Variants in BIN3 observed in about 807,000 individuals in gnomAD.
BIN3 encodes the protein bridging integrator 3.
BIN3 carries 41 observed loss-of-function variants against 38.2 expected under a neutral mutation model. That is an observed-to-expected ratio of 1.07 (90% CI 0.84 to 1.39). The LOEUF is 1.39. BIN3 is among the 40% of genes most tolerant of loss of function. BIN3 has a pLI of 0.00. For synonymous variants in BIN3, 145 were observed against 122.6 expected, an observed-to-expected ratio of 1.18 and a Z score of -1.21; for missense variants, 361 against 324.3, an observed-to-expected ratio of 1.11 and a Z score of -0.87.
At chr8:22,630,218 C>T (rs1226706791) in intron 5 of BIN3, among the ~76,000 whole-genome samples, 4 of 152,188 alleles carry the variant, frequency 2.6e-5, no homozygotes, top group African/African-American at 9.7e-5. Context: ...GCAACCCTCA[C>T]AGTAAGTAAC....
intron 6 of BIN3, among the ~76,000 whole-genome samples, chr8:22,628,639 T>G (rs1802081181): frequency 6.6e-6 from 1 of 152,224 alleles, no homozygotes. Context: ...AAGGGCGCCT[T>G]GCTGATACTG....
At chr8:22,644,108 T>G (rs540358104) in intron 2 of BIN3, among the ~76,000 whole-genome samples, 1 of 152,354 alleles carries the variant, frequency 6.6e-6, no homozygotes, top group South Asian at 2.1e-4. Context: ...CTCATTTTCT[T>G]CATCAGGAAA....
intron 4 of BIN3, among the ~76,000 whole-genome samples, chr8:22,632,634 T>C (rs962428136): frequency 6.6e-6 from 1 of 151,824 alleles, no homozygotes. Context: ...TCTTCTGCTA[T>C]TTCTTAAAAA....
chr8:22,664,264 G>C (rs1424351379), intron 1 of BIN3, among the ~76,000 whole-genome samples: 1 of 152,158 alleles, frequency 6.6e-6, no homozygotes, highest in Non-Finnish European at 1.5e-5. Context: ...GACTCTTTCT[G>C]ACTGCTCCAA....
At chr8:22,625,552 A>C in intron 6 of BIN3, 1 of 623,974 alleles carries the variant, frequency 1.6e-6, no homozygotes, top group African/African-American at 1.8e-5. Flanking sequence ...GCTACCACAC[A>C]GAGCAGGACT....
intron 1 of BIN3, among the ~76,000 whole-genome samples, chr8:22,663,033 C>T (rs1480975270): frequency 6.6e-6 from 1 of 152,174 alleles, no homozygotes; most frequent in African/African-American, 2.4e-5. Flanking sequence ...GCACGAGAAT[C>T]GCTTCAACCC....
intron 4 of BIN3, 68 bp downstream of exon 4, chr8:22,636,457 T>G: frequency 6.7e-7 from 1 of 1,491,634 alleles, no homozygotes; most frequent in Non-Finnish European, 9.1e-7. Context: ...CTTGGGGGGC[T>G]GAGAGAGGAG....
chr8:22,667,610 G>T (rs1803463240), intron 1 of BIN3, among the ~76,000 whole-genome samples: 1 of 152,196 alleles, frequency 6.6e-6, no homozygotes, highest in Non-Finnish European at 1.5e-5. Context: ...CTGAAGAATT[G>T]CCGCTTTGCC....
At chr8:22,668,896 A>G (rs1803514997) in intron 1 of BIN3, 148 bp downstream of exon 1, 4 of 973,024 alleles carry the variant, frequency 4.1e-6, no homozygotes, top group Non-Finnish European at 4.5e-6. Flanking sequence ...CACCGAGGGA[A>G]CGACCCTAGG....
chr8:22,627,289 C>T lies in BIN3; in HGVS notation c.338+2675G>A, dbSNP rs142168832. ...TCACATCAGTCAGGGCAGGGCGCAG[C>T]TTGTGCCAAGGTGGCTGAAGAGTAG... On this transcript the variant is annotated intron_variant, in intron 6 of 8. Transcript: ENST00000276416. Among the ~76,000 whole-genome samples the T allele has an allele frequency of 1.2e-3, 190 of 152,330 alleles. 1 individual carries two copies. The highest frequency in any genetic ancestry group is 4.3e-3 in the African/African-American group (178 of 41,576).
chr8:22,648,588 T>A (rs966057021), intron 1 of BIN3, among the ~76,000 whole-genome samples: 1 of 152,176 alleles, frequency 6.6e-6, no homozygotes, highest in Non-Finnish European at 1.5e-5. Flanking sequence ...GGGTCCACGA[T>A]GTCAACATGC....
intron 1 of BIN3, among the ~76,000 whole-genome samples, chr8:22,647,433 T>G (rs1230702824): frequency 6.6e-6 from 1 of 152,232 alleles, no homozygotes; most frequent in African/African-American, 2.4e-5. Context: ...CCAGGGTCAC[T>G]CTGCTGGCTC....
intron 8 of BIN3, among the ~76,000 whole-genome samples, chr8:22,622,110 G>T (rs2117490160): frequency 6.6e-6 from 1 of 152,332 alleles, no homozygotes; most frequent in African/African-American, 2.4e-5. Flanking sequence ...CACTGCCAGG[G>T]TCCCTCTAGG....
chr8:22,649,562 A>G (rs971884848), intron 1 of BIN3, among the ~76,000 whole-genome samples: 1 of 152,126 alleles, frequency 6.6e-6, no homozygotes, highest in African/African-American at 2.4e-5. Context: ...CAGTGTTGCT[A>G]TTTATATTTT....
At chr8:22,632,333 C>T (rs1365241533) in intron 4 of BIN3, among the ~76,000 whole-genome samples, 5 of 152,200 alleles carry the variant, frequency 3.3e-5, no homozygotes, top group Non-Finnish European at 5.9e-5. Context: ...AGCAAAGCAG[C>T]GCTGAGCGGA....
intron 1 of BIN3, among the ~76,000 whole-genome samples, chr8:22,661,153 G>GGGATTA (rs1803223333): frequency 6.6e-6 from 1 of 152,082 alleles, no homozygotes; most frequent in Non-Finnish European, 1.5e-5. Context: ...CCAAAGTGCT[G>GGGATTA]GGATTATAGG....
intron 1 of BIN3, among the ~76,000 whole-genome samples, chr8:22,665,212 C>G (rs939600774): frequency 1.3e-5 from 2 of 152,112 alleles, no homozygotes; most frequent in Non-Finnish European, 2.9e-5. Flanking sequence ...CCACTTGTGT[C>G]GGTCAATTTA....
At chr8:22,653,155 GTC>G (rs1402222101) in intron 1 of BIN3, among the ~76,000 whole-genome samples, 1 of 152,162 alleles carries the variant, frequency 6.6e-6, no homozygotes, top group Admixed American at 6.5e-5. Flanking sequence ...TGTCATTAAT[GTC>G]TGTCTTTGAA....
rs773372443 is a variant in BIN3 at position 22,644,807 on chromosome 8, T to C, written c.9-4A>G. On this transcript the variant is annotated splice_region_variant and splice_polypyrimidine_tract_variant and intron_variant, in intron 1 of 8. Coordinates refer to ENST00000276416, the MANE Select transcript of BIN3 (RefSeq NM_018688.6). Reference sequence around the variant, plus strand: ...CTGCCCAATCTTAAAAGGAATCCTATAAGAGAAAGAGACAAAGAGAGATAT... The same window carrying C: ...CTGCCCAATCTTAAAAGGAATCCTACAAGAGAAAGAGACAAAGAGAGATAT... 8 of 1,608,852 alleles carry C rather than the reference T, an allele frequency of 5.0e-6. No homozygotes were observed. In the East Asian group the frequency reaches 8.9e-5, roughly 18 times the overall value.
Sources: allele counts gnomAD v4.1 joint callset (sites outside exome capture counted in the v4.1 genomes callset), GRCh38; gene constraint gnomAD v4.1.1; transcripts MANE v1.5; gene names NCBI Gene and HGNC (gene_info 2026-07-23, HGNC 2026-07-21).